Variants in PSD3 observed in about 807,000 individuals in gnomAD.
The protein encoded by PSD3 is pleckstrin and Sec7 domain containing 3.
In PSD3, 49 loss-of-function variants were observed where a neutral mutation model predicts 105.5. That is an observed-to-expected ratio of 0.46 (90% confidence interval 0.37 to 0.59). PSD3 has a LOEUF of 0.59. PSD3 is among the 20% of genes least tolerant of loss of function. The pLI, the probability that PSD3 is intolerant of heterozygous loss-of-function variation, is 0.00. For synonymous variants in PSD3, 557 were observed against 457.8 expected, an observed-to-expected ratio of 1.22 and a Z score of -2.77; for missense variants, 1,561 against 1,263.8, an observed-to-expected ratio of 1.24 and a Z score of -3.57.
intron 8 of PSD3, among the ~76,000 whole-genome samples, chr8:18,790,549 A>G (rs756952202): frequency 6.6e-5 from 10 of 151,914 alleles, no homozygotes; most frequent in Admixed American, 4.6e-4. Context: ...TGATCTGCCC[A>G]CCTTGGCCTC....
chr8:19,076,939 T>G (rs1417982492), intron 1 of PSD3, among the ~76,000 whole-genome samples: 1 of 152,212 alleles, frequency 6.6e-6, no homozygotes, highest in Non-Finnish European at 1.5e-5. Flanking sequence ...TTTGGGTTGC[T>G]TTTCTAATCT....
At chr8:18,714,102 C>T (rs1802425924) in intron 9 of PSD3, among the ~76,000 whole-genome samples, 1 of 152,126 alleles carries the variant, frequency 6.6e-6, no homozygotes, top group African/African-American at 2.4e-5. Context: ...AACTGTACCC[C>T]TTCCTTATAC....
chr8:18,685,986 G>A (rs1800641466), intron 9 of PSD3, among the ~76,000 whole-genome samples: 1 of 152,120 alleles, frequency 6.6e-6, no homozygotes, highest in African/African-American at 2.4e-5. Context: ...ACTATCTCCT[G>A]ATGAACTTTC....
intron 4 of PSD3, among the ~76,000 whole-genome samples, chr8:18,851,857 T>A (rs901047911): frequency 6.6e-6 from 1 of 152,164 alleles, no homozygotes; most frequent in African/African-American, 2.4e-5. Context: ...TTCTGGAGAG[T>A]GGGACCAATG....
chr8:18,851,838 G>A (rs779923575), intron 4 of PSD3, among the ~76,000 whole-genome samples: 1 of 152,234 alleles, frequency 6.6e-6, no homozygotes, highest in Non-Finnish European at 1.5e-5. Context: ...AACTGACAGT[G>A]GAGATTCCTT....
chr8:18,956,166 G>C (rs1384548869), intron 1 of PSD3, among the ~76,000 whole-genome samples: 2 of 152,216 alleles, frequency 1.3e-5, no homozygotes, highest in East Asian at 3.8e-4. Flanking sequence ...AGGAAAGGCA[G>C]ATCACTGGAG....
At chr8:18,925,722 C>T (rs573876252) in intron 2 of PSD3, among the ~76,000 whole-genome samples, 1 of 152,134 alleles carries the variant, frequency 6.6e-6, no homozygotes, top group South Asian at 2.1e-4. Context: ...TTATAAAATT[C>T]GAGAGAGAAG....
rs191641262 is a variant in PSD3, at chr8:18,610,373, G to A, written c.2411-9939C>T. On this transcript the variant is annotated intron_variant, in intron 11 of 15. Transcript: ENST00000327040. ...TTCAACCACTCATACACTGCTGAGTGTTCGAACTGTATTCAAATAAGGTAC... is the reference window on the plus strand; with the variant it reads ...TTCAACCACTCATACACTGCTGAGTATTCGAACTGTATTCAAATAAGGTAC... Among the ~76,000 whole-genome samples the A allele has an allele frequency of 1.7e-3, 265 of 152,304 alleles. 1 individual carries two copies. The highest frequency in any genetic ancestry group is 6.2e-3 in the African/African-American group (257 of 41,572).
chr8:19,036,131 A>G (rs151211396), intron 1 of PSD3, among the ~76,000 whole-genome samples: 9 of 152,246 alleles, frequency 5.9e-5, no homozygotes, highest in East Asian at 1.9e-4. Context: ...CTAATACAGA[A>G]AGGAGGACGG....
At chr8:18,935,940 G>A in intron 2 of PSD3, 94 bp downstream of exon 2, 2 of 730,764 alleles carry the variant, frequency 2.7e-6, no homozygotes, top group Non-Finnish European at 4.6e-6. Flanking sequence ...TTTCACAGAG[G>A]GAAGAAGAAA....
intron 1 of PSD3, among the ~76,000 whole-genome samples, chr8:18,962,503 A>G (rs932711262): frequency 8.5e-5 from 13 of 152,086 alleles, no homozygotes; most frequent in African/African-American, 2.4e-4. Flanking sequence ...AATATTTTGG[A>G]AAAAAAATGG....
intron 4 of PSD3, among the ~76,000 whole-genome samples, chr8:18,813,197 C>G (rs776000790): frequency 6.6e-6 from 1 of 152,140 alleles, no homozygotes; most frequent in Admixed American, 6.5e-5. Context: ...CTAACCCTGA[C>G]TTAAAAGCTG....
rs533787741 is a variant in PSD3, at chr8:18,901,700, T to A, written c.131-28967A>T. On this transcript the variant is annotated intron_variant, in intron 2 of 15. Transcript: ENST00000327040. ...AGATGCAGGACTCCCTTGAGCACTT[T>A]TTGTAAGGTTGGCCTAGTGGTAATG... 2.6e-5 allele frequency among the ~76,000 whole-genome samples: 4 copies of A among 152,332 alleles called. No individual in the cohort carries two copies. In the South Asian group the frequency reaches 8.3e-4, roughly 32 times the overall value.
chr8:18,830,129 A>G (rs186714732), intron 4 of PSD3, among the ~76,000 whole-genome samples: 1 of 152,128 alleles, frequency 6.6e-6, no homozygotes, highest in African/African-American at 2.4e-5. Context: ...CACAACTCCT[A>G]CAAGGTTTTA....
intron 9 of PSD3, among the ~76,000 whole-genome samples, chr8:18,700,157 T>C (rs535525566): frequency 1.3e-5 from 2 of 152,254 alleles, no homozygotes; most frequent in South Asian, 2.1e-4. Flanking sequence ...TTTGGGACTG[T>C]TGTATTAACA....
rs1186908677 is a variant in PSD3 at position 18,568,287 on chromosome 8, C to T, written c.2784+4241G>A. On this transcript the variant is annotated intron_variant, in intron 14 of 15. Transcript: ENST00000327040. Reference sequence around the variant, plus strand: ...AATCTAAATCTTCATGGAACCTTTTCCCCCCTTTCTTGGCACAACATTCTC... The same window carrying T: ...AATCTAAATCTTCATGGAACCTTTTTCCCCCTTTCTTGGCACAACATTCTC... 8.2e-5 allele frequency among the ~76,000 whole-genome samples: 12 copies of T among 146,950 alleles called. No individual in the cohort carries two copies. The Admixed American group carries it at 8.3e-4, about 10-fold the overall frequency.
At position 18,684,688 on chromosome 8, in the gene PSD3, C is replaced by T. The variant is rs182145428; in HGVS notation, c.2173-29003G>A. The stretch of plus-strand genomic sequence containing the variant: ...TCAAGAGGAATTATGTCAGTGTGTA[C>T]GGCAAATCCAGAATAAAGATGTTCT... On this transcript the variant is annotated intron_variant, in intron 9 of 15. Transcript: ENST00000327040. Among the ~76,000 whole-genome samples, 17 of 152,236 alleles carry T rather than the reference C, an allele frequency of 1.1e-4. No individual in the cohort carries two copies. The South Asian group carries it at 1.9e-3, about 17-fold the overall frequency.
intron 7 of PSD3, among the ~76,000 whole-genome samples, chr8:18,800,816 T>C (rs993184829): frequency 4.6e-5 from 7 of 152,168 alleles, no homozygotes; most frequent in African/African-American, 1.7e-4. Flanking sequence ...CAAAACTAAC[T>C]CCAACACTCA....
At chr8:18,736,162 T>C (rs896223780) in intron 9 of PSD3, among the ~76,000 whole-genome samples, 1 of 152,196 alleles carries the variant, frequency 6.6e-6, no homozygotes, top group Admixed American at 6.5e-5. Flanking sequence ...GTAATTTCTA[T>C]AACCTCCAAC....
Sources: gnomAD v4.1 joint callset for allele counts (sites outside exome capture counted in the v4.1 genomes callset) on GRCh38, gnomAD v4.1.1 for gene constraint, MANE v1.5 for transcripts, NCBI Gene and HGNC (gene_info 2026-07-23, HGNC 2026-07-21) for gene names.